DOCK6: variants seen among roughly 807,000 people sequenced by gnomAD.
The protein encoded by DOCK6 is dedicator of cytokinesis protein 6.
In DOCK6, 167 loss-of-function variants were observed where a neutral mutation model predicts 230.3. The ratio of observed to expected loss-of-function variants is 0.73; its 90% CI spans 0.64 to 0.82. The LOEUF is 0.82. Ranked by LOEUF, DOCK6 falls within the 40% of genes least tolerant of loss-of-function variation. The pLI, the probability that DOCK6 is intolerant of heterozygous loss-of-function variation, is 0.00. For synonymous variants in DOCK6, 1,148 were observed against 1,185.0 expected (o/e 0.97, Z 0.64); for missense variants, 2,598 against 2,825.8 (o/e 0.92, Z 1.83).
At chr19:11,214,764 G>GA (rs2079452970) in intron 32 of DOCK6, 115 bp from the exon 33 acceptor site, 2 of 928,968 alleles carry the variant, frequency 2.2e-6, no homozygotes, top group Non-Finnish European at 3.3e-6. Flanking sequence ...AAGCTGTTCT[G>GA]TTTTTTGTTT....
intron 14 of DOCK6, chr19:11,241,528 G>C (rs557880890): frequency 6.4e-7 from 1 of 1,552,824 alleles, no homozygotes; most frequent in East Asian, 2.4e-5. Context: ...TGGCACAGCA[G>C]CATCGGCTGC....
intron 1 of DOCK6, among the ~76,000 whole-genome samples, chr19:11,259,431 T>TG (rs376317740): frequency 1.4e-5 from 2 of 146,326 alleles, no homozygotes; most frequent in African/African-American, 5.0e-5. Flanking sequence ...TATTCAAGGA[T>TG]GGGGGAGAGA....
At chr19:11,224,079 C>T (rs1470745014) in intron 24 of DOCK6, among the ~76,000 whole-genome samples, 2 of 151,924 alleles carry the variant, frequency 1.3e-5, no homozygotes, top group Admixed American at 1.3e-4. Flanking sequence ...CAGGGAGACA[C>T]AAAATAAACA....
chr19:11,241,724 A>T (rs2079948297), intron 14 of DOCK6: 1 of 1,571,468 alleles, frequency 6.4e-7, no homozygotes. Flanking sequence ...ATCATGCTGC[A>T]AGGAACACTT....
chr19:11,239,991 G>T, intron 14 of DOCK6: 1 of 1,551,528 alleles, frequency 6.4e-7, no homozygotes, highest in Non-Finnish European at 8.7e-7. Context: ...AGGAGTTCGT[G>T]TCTAGGGTAA....
chr19:11,251,899 C>T, intron 5 of DOCK6: 1 of 634,828 alleles, frequency 1.6e-6, no homozygotes, highest in Non-Finnish European at 2.6e-6. Flanking sequence ...TGCCCTGACT[C>T]CTAGGATGAA....
chr19:11,214,781 T>G, intron 32 of DOCK6, 132 bp from the exon 33 acceptor site: 1 of 808,998 alleles, frequency 1.2e-6, no homozygotes, highest in Non-Finnish European at 2.0e-6. Context: ...GTTTTTGTTT[T>G]TTTTGTTTTC....
intron 6 of DOCK6, among the ~76,000 whole-genome samples, chr19:11,248,358 G>A (rs897756006): frequency 6.6e-6 from 1 of 151,650 alleles, no homozygotes; most frequent in South Asian, 2.1e-4. Context: ...TCTGCTCACT[G>A]TTCATATATA....
chr19:11,229,877 A>C (rs1296550406), intron 22 of DOCK6, among the ~76,000 whole-genome samples: 1 of 151,694 alleles, frequency 6.6e-6, no homozygotes, highest in African/African-American at 2.4e-5. Flanking sequence ...ACAAACAAAC[A>C]AACAAAAATA....
chr19:11,252,588 C>G, intron 3 of DOCK6, 38 bp from the exon 4 acceptor site: 1 of 1,610,210 alleles, frequency 6.2e-7, no homozygotes, highest in Non-Finnish European at 8.5e-7. Context: ...AGAGACAAGG[C>G]CTCTGTGAAT....
chr19:11,223,070 C>T lies in DOCK6; in HGVS notation c.2992G>A (p.Ala998Thr). Residue 998 changes from alanine (A) to threonine (T), a missense_variant, in exon 25 of 48, where the codon GCT becomes ACT. Coordinates refer to ENST00000294618, the MANE Select transcript of DOCK6 (RefSeq NM_020812.4). ...ELAEHLNASL[A>T]FFLSDLLSLV... ...GACAGAAGGTCACTGAGGAAGAAAG[C>T]CAGGCTGGCGTTGAGGTGCTCGGCC... 1 of 1,613,716 alleles carries T rather than the reference C, an allele frequency of 6.2e-7. No individual in the cohort carries two copies. The highest frequency in any genetic ancestry group is 8.5e-7 in the Non-Finnish European group (1 of 1,179,858).
At chr19:11,237,357 G>T in intron 18 of DOCK6, 99 bp downstream of exon 18, 1 of 1,373,546 alleles carries the variant, frequency 7.3e-7, no homozygotes, top group South Asian at 1.2e-5. Context: ...CACCAGTAGA[G>T]GATAACAAGC....
chr19:11,215,612 C>T (rs1380095394), intron 31 of DOCK6, 141 bp from the exon 32 acceptor site: 127 of 1,274,754 alleles, frequency 1.0e-4, no homozygotes, highest in Non-Finnish European at 1.3e-4. Flanking sequence ...GCCGGGTGGA[C>T]GCACAGGGGC....
chr19:11,257,278 T>C (rs1346382261), intron 1 of DOCK6, among the ~76,000 whole-genome samples: 1 of 151,804 alleles, frequency 6.6e-6, no homozygotes, highest in Non-Finnish European at 1.5e-5. Flanking sequence ...ATTACAGGTG[T>C]GAGCCACTGT....
intron 28 of DOCK6, 117 bp from the exon 29 acceptor site, chr19:11,217,508 G>C (rs1287284328): frequency 9.6e-6 from 13 of 1,352,266 alleles, no homozygotes; most frequent in Non-Finnish European, 1.3e-5. Flanking sequence ...TGTAATACCA[G>C]CACTTTGGGA....
Position 11,236,641 on chromosome 19 carries a change from T to C in DOCK6, c.2161-64A>G. On this transcript the variant is annotated intron_variant, in intron 19 of 47. Transcript: ENST00000294618. This position sits in a 1 kb window ranked among gnomAD's most constrained non-coding sequence, Gnocchi z 5.2. The stretch of plus-strand genomic sequence containing the variant: ...GGAATGAAGACCACCCCTGCCTGAA[T>C]CAGCAGCTTCCCTTAAAGCTGGGTC... 6.6e-7 allele frequency: 1 copy of C among 1,514,398 alleles called. No homozygotes were observed. The highest frequency in any genetic ancestry group is 1.4e-5 in the African/African-American group (1 of 72,266). The allele number at this position is 1,514,398 out of a possible 1,614,324, so 93.8% of individuals were successfully genotyped here.
chr19:11,236,852 C>T lies in DOCK6; in HGVS notation c.2101G>A (p.Asp701Asn). ...ACACTGAACACGCCCTTGTGACCGT[C>T]CACCCAGCGCATGCCCGGAAGCGCC... ...DVALPGMRWV[D>N]GHKGVFSVEL... The change falls in exon 19 of 48, where the codon GAC becomes AAC. Residue 701 changes from aspartate (D) to asparagine (N), a missense_variant. By Grantham distance (23) the Asp-to-Asn change is conservative (BLOSUM62 1). Transcript: ENST00000294618. The surrounding 1 kb of genome is among the most constrained non-coding windows in gnomAD (Gnocchi z 5.2). The T allele has an allele frequency of 1.3e-6, 2 of 1,555,162 alleles. No homozygotes were observed. Among genetic ancestry groups the T allele is most frequent in the South Asian group, 1.2e-5 (1 of 84,216 alleles).
chr19:11,201,964 C>A lies in DOCK6; in HGVS notation c.5613G>T (p.Lys1871Asn), dbSNP rs1333720864. ...RAHGELPEQH[K>N]RKTLLSTDHA... ...GGTCGGTGCTGAGCAGCGTCTTACGCTTGTGTTGCTCGGGCAGCTCCCCGT... is the reference window on the plus strand; with the variant it reads ...GGTCGGTGCTGAGCAGCGTCTTACGATTGTGTTGCTCGGGCAGCTCCCCGT... The change falls in exon 44 of 48, where the codon AAG becomes AAT. Residue 1871 changes from lysine to asparagine, a missense_variant. Lys to Asn is a moderately conservative substitution (Grantham distance 94, BLOSUM62 0). Coordinates refer to ENST00000294618, the MANE Select transcript of DOCK6 (RefSeq NM_020812.4). This position sits in a 1 kb window ranked among gnomAD's most constrained non-coding sequence, Gnocchi z 4.3. 9 of 1,613,472 alleles carry A rather than the reference C, an allele frequency of 5.6e-6. No individual in the cohort carries two copies. The highest frequency in any genetic ancestry group is 5.1e-6 in the Non-Finnish European group (6 of 1,179,718).
intron 1 of DOCK6, among the ~76,000 whole-genome samples, chr19:11,261,700 C>T (rs2080291998): frequency 6.6e-6 from 1 of 152,082 alleles, no homozygotes; most frequent in Admixed American, 6.5e-5. Flanking sequence ...GGGGCCTGTC[C>T]CCTCCCCCGT....
Sources: gnomAD v4.1 joint callset for allele counts (sites outside exome capture counted in the v4.1 genomes callset) on GRCh38, gnomAD v4.1.1 for gene constraint, Gnocchi (gnomAD v3.1) non-coding constraint, MANE v1.5 for transcripts, NCBI Gene and HGNC (gene_info 2026-07-23, HGNC 2026-07-21) for gene names.